UXS1: variants seen among roughly 807,000 people sequenced by gnomAD.
The protein encoded by UXS1 is UDP-glucuronic acid decarboxylase 1.
A neutral mutation model predicts 62.6 loss-of-function variants in UXS1; 33 were observed. The ratio of observed to expected loss-of-function variants is 0.53; its 90% CI spans 0.40 to 0.70. UXS1 has a LOEUF of 0.70. Among genes scored for constraint, UXS1 ranks in the 30% least tolerant of loss-of-function variants. The pLI, the probability that UXS1 is intolerant of heterozygous loss-of-function variation, is 0.00. For missense variants in UXS1, 434 were observed against 556.3 expected (o/e 0.78, Z 2.21); for synonymous variants, 213 against 206.8 (o/e 1.03, Z -0.26).
At chr2:106,120,779 C>T (rs1212124463) in intron 9 of UXS1, among the ~76,000 whole-genome samples, 2 of 152,202 alleles carry the variant, frequency 1.3e-5, no homozygotes, top group African/African-American at 2.4e-5. Context: ...CTCTTGCAGC[C>T]ATTCTGCAAC....
intron 11 of UXS1, among the ~76,000 whole-genome samples, chr2:106,104,263 G>C (rs1338430519): frequency 6.6e-6 from 1 of 152,172 alleles, no homozygotes; most frequent in Non-Finnish European, 1.5e-5. Context: ...TGGAACAACA[G>C]AACAGTGGGT....
chr2:106,158,414 ACCTCT>A, intron 4 of UXS1, among the ~76,000 whole-genome samples: 1 of 152,330 alleles, frequency 6.6e-6, no homozygotes, highest in South Asian at 2.1e-4. Context: ...GGCAGGCACT[ACCTCT>A]ATTAGTCCAG....
intron 1 of UXS1, among the ~76,000 whole-genome samples, chr2:106,181,199 C>T (rs192093306): frequency 2.0e-4 from 30 of 152,244 alleles, no homozygotes; most frequent in African/African-American, 5.3e-4. Context: ...CATCAGGGCC[C>T]TCATCCTTAC....
chr2:106,160,332 A>C (rs1383275751), intron 4 of UXS1: 1 of 152,184 alleles, frequency 6.6e-6, no homozygotes, highest in Non-Finnish European at 1.5e-5. Flanking sequence ...GGCACAGCTG[A>C]GACTCTTTCC....
At chr2:106,130,907 G>C (rs1025067812) in intron 6 of UXS1, among the ~76,000 whole-genome samples, 4 of 152,162 alleles carry the variant, frequency 2.6e-5, no homozygotes, top group African/African-American at 7.2e-5. Flanking sequence ...GAGGAGCCAA[G>C]ATGGCCGAAT....
intron 10 of UXS1, among the ~76,000 whole-genome samples, chr2:106,107,111 C>CT (rs1678148608): frequency 6.6e-6 from 1 of 152,144 alleles, no homozygotes; most frequent in Non-Finnish European, 1.5e-5. Context: ...GGGTTTGGGG[C>CT]TGTGCTGCTG....
intron 9 of UXS1, among the ~76,000 whole-genome samples, chr2:106,117,375 A>G (rs1679141833): frequency 6.6e-6 from 1 of 152,210 alleles, no homozygotes; most frequent in Non-Finnish European, 1.5e-5. Context: ...TGTTTTTGTG[A>G]CCAGAAATAT....
intron 12 of UXS1, among the ~76,000 whole-genome samples, chr2:106,100,394 C>A (rs1677493909): frequency 6.6e-6 from 1 of 152,178 alleles, no homozygotes; most frequent in South Asian, 2.1e-4. Context: ...AGAGGCATCA[C>A]ACTAGCCATG....
intron 1 of UXS1, among the ~76,000 whole-genome samples, chr2:106,173,321 G>A (rs1447443324): frequency 6.6e-6 from 1 of 152,164 alleles, no homozygotes; most frequent in Admixed American, 6.5e-5. Flanking sequence ...CAGCACTTTG[G>A]GAGTGTGGAC....
intron 1 of UXS1, among the ~76,000 whole-genome samples, chr2:106,173,861 C>T (rs1376146697): frequency 1.3e-5 from 2 of 152,180 alleles, no homozygotes; most frequent in East Asian, 3.9e-4. Flanking sequence ...CTGGATATGG[C>T]CCATGGGCCA....
intron 1 of UXS1, among the ~76,000 whole-genome samples, chr2:106,167,432 C>A (rs1209544639): frequency 6.6e-6 from 1 of 152,152 alleles, no homozygotes; most frequent in African/African-American, 2.4e-5. Flanking sequence ...GATCTCATAA[C>A]CCCAGGCATC....
intron 4 of UXS1, among the ~76,000 whole-genome samples, chr2:106,161,697 T>A (rs1370547845): frequency 6.6e-6 from 1 of 152,234 alleles, no homozygotes; most frequent in Non-Finnish European, 1.5e-5. Flanking sequence ...TTACTTAGAA[T>A]TTAAATTATC....
intron 9 of UXS1, among the ~76,000 whole-genome samples, chr2:106,118,572 G>C (rs1057159056): frequency 1.3e-5 from 2 of 152,142 alleles, no homozygotes; most frequent in African/African-American, 2.4e-5. Flanking sequence ...TCCCTGGCAA[G>C]TTCTAACTAT....
chr2:106,106,972 G>A (rs1363331186), intron 10 of UXS1, among the ~76,000 whole-genome samples: 1 of 152,186 alleles, frequency 6.6e-6, no homozygotes, highest in Non-Finnish European at 1.5e-5. Flanking sequence ...CATAATTTCA[G>A]AACTACCTGT....
chr2:106,112,294 G>A (rs1678685114), intron 10 of UXS1, among the ~76,000 whole-genome samples: 1 of 152,212 alleles, frequency 6.6e-6, no homozygotes, highest in Non-Finnish European at 1.5e-5. Context: ...ACCTGTCCAG[G>A]CTTCTCAGCC....
At chr2:106,123,157 A>G in intron 8 of UXS1, 66 bp from the exon 9 acceptor site, 1 of 1,598,316 alleles carries the variant, frequency 6.3e-7, no homozygotes. Context: ...AATAATGCAT[A>G]TTTATGATGC....
intron 1 of UXS1, among the ~76,000 whole-genome samples, chr2:106,177,778 C>A (rs1355051662): frequency 6.6e-6 from 1 of 152,214 alleles, no homozygotes; most frequent in African/African-American, 2.4e-5. Context: ...AAATAAATTT[C>A]TGTTGCTCAT....
At chr2:106,178,728 G>A (rs1428352625) in intron 1 of UXS1, among the ~76,000 whole-genome samples, 1 of 152,070 alleles carries the variant, frequency 6.6e-6, no homozygotes, top group Admixed American at 6.5e-5. Context: ...CACCCTAGTG[G>A]ATGCCTGGCA....
intron 6 of UXS1, among the ~76,000 whole-genome samples, chr2:106,140,263 A>T (rs1680991578): frequency 6.6e-6 from 1 of 152,136 alleles, no homozygotes; most frequent in Non-Finnish European, 1.5e-5. Context: ...AAGCCACCGC[A>T]GGGGAAAGAA....
Sources: allele counts gnomAD v4.1 joint callset (sites outside exome capture counted in the v4.1 genomes callset), GRCh38; gene constraint gnomAD v4.1.1; transcripts MANE v1.5; gene names NCBI Gene and HGNC (gene_info 2026-07-23, HGNC 2026-07-21).